The following CYP51A1 variants were observed in gnomAD, a reference collection of about 807,000 sequenced individuals.
CYP51A1 encodes cytochrome P450 family 51 subfamily A member 1.
A neutral mutation model predicts 53.5 loss-of-function variants in CYP51A1; 45 were observed. The observed-to-expected ratio is 0.84, with a 90% confidence interval of 0.66 to 1.08. The LOEUF is 1.08. Among genes scored for constraint, CYP51A1 ranks in the 50% least tolerant of loss-of-function variants. CYP51A1 has a pLI of 0.00. For missense variants in CYP51A1, 462 were observed against 621.7 expected (o/e 0.74, Z 2.73); for synonymous variants, 181 against 217.7 (o/e 0.83, Z 1.48).
chr7:92,127,338 A>C (rs1819820089), intron 4 of CYP51A1, among the ~76,000 whole-genome samples, 167 bp downstream of exon 4: 1 of 152,216 alleles, frequency 6.6e-6, no homozygotes, highest in Non-Finnish European at 1.5e-5. Flanking sequence ...TAAAAACTGG[A>C]TTCTCAGTTA....
intron 5 of CYP51A1, 40 bp from the exon 6 acceptor site, chr7:92,123,893 A>G: frequency 6.6e-7 from 1 of 1,505,348 alleles, no homozygotes; most frequent in South Asian, 1.3e-5. Context: ...TAAATAAAGA[A>G]ATAACCTTCT....
At chr7:92,115,054 G>A (rs552755191) in intron 9 of CYP51A1, among the ~76,000 whole-genome samples, 2 of 152,242 alleles carry the variant, frequency 1.3e-5, no homozygotes, top group South Asian at 2.1e-4. Flanking sequence ...ATCGCAACAA[G>A]CAAGAAGTAT....
chr7:92,131,944 CCAAA>C (rs1459887105), intron 1 of CYP51A1, 72 bp from the exon 2 acceptor site: 9 of 927,006 alleles, frequency 9.7e-6, no homozygotes, highest in South Asian at 1.4e-5. Context: ...CGTTTCATGA[CCAAA>C]CAATTAAACA....
At chr7:92,124,813 C>T (rs1168114408) in intron 5 of CYP51A1, among the ~76,000 whole-genome samples, 2 of 152,152 alleles carry the variant, frequency 1.3e-5, no homozygotes, top group African/African-American at 4.8e-5. Flanking sequence ...CTGACTTCAT[C>T]CAAGAGACAG....
At chr7:92,130,208 C>T (rs1468403875) in intron 2 of CYP51A1, among the ~76,000 whole-genome samples, 1 of 152,194 alleles carries the variant, frequency 6.6e-6, no homozygotes. Context: ...ATCCCAGCTC[C>T]TCCACCTACT....
rs945024078 is a variant in CYP51A1, at chr7:92,123,593, C to G, written c.890+141G>C. On this transcript the variant is annotated intron_variant, in intron 6 of 9. Coordinates refer to ENST00000003100, the MANE Select transcript of CYP51A1 (RefSeq NM_000786.4). ...CACAGGATGCCAATAGTTTATGTCT[C>G]AACAATTTAAAGAGTCCAAAGATCA... 1.2e-5 allele frequency: 10 copies of G among 830,636 alleles called. No homozygotes were observed. In the Admixed American group the frequency reaches 1.2e-4, roughly 10 times the overall value. The allele number at this position is 830,636 out of a possible 1,614,324, so 51.5% of individuals were successfully genotyped here. A position where few individuals can be genotyped will look rare whatever the true frequency, so the allele number is the denominator to read the frequency against.
intron 9 of CYP51A1, among the ~76,000 whole-genome samples, chr7:92,116,271 A>T (rs546632102): frequency 1.1e-3 from 159 of 148,494 alleles, no homozygotes; most frequent in African/African-American, 3.8e-3. Context: ...AGACTCTCTC[A>T]AAAAAAAAAC....
Position 92,128,966 on chromosome 7 carries a change from T to C in CYP51A1, c.382A>G (p.Asn128Asp). Residue 128 changes from asparagine (N) to aspartate (D), a missense_variant, in exon 3 of 10, where the codon AAT becomes GAT. Coordinates refer to ENST00000003100, the MANE Select transcript of CYP51A1 (RefSeq NM_000786.4). The part of the protein sequence containing the change: ...DAAALLFNSK[N>D]EDLNAEDVYS... ...ACATCTTCTGCATTCAGGTCTTCATTTTTACTATTAAAAAGCAGTGCAGCA... is the reference window on the plus strand; with the variant it reads ...ACATCTTCTGCATTCAGGTCTTCATCTTTACTATTAAAAAGCAGTGCAGCA... 1 of 1,613,672 alleles carries C rather than the reference T, an allele frequency of 6.2e-7. No individual in the cohort carries two copies.
At chr7:92,123,596 CAATTTAA>C (rs1357347376) in intron 6 of CYP51A1, 131 bp downstream of exon 6, 4 of 840,388 alleles carry the variant, frequency 4.8e-6, no homozygotes, top group Non-Finnish European at 7.2e-6. Flanking sequence ...TATGTCTCAA[CAATTTAA>C]AGAGTCCAAA....
chr7:92,118,625 G>C lies in CYP51A1; in HGVS notation c.1087-10C>G. On this transcript the variant is annotated splice_polypyrimidine_tract_variant and intron_variant, in intron 7 of 9. Coordinates refer to ENST00000003100, the MANE Select transcript of CYP51A1 (RefSeq NM_000786.4). Reference sequence around the variant, plus strand: ...AATTTAGATCCTTGAGCTAAAATGAGAAAGCATTTCCTGATTGTTATAAAT... The same window carrying C: ...AATTTAGATCCTTGAGCTAAAATGACAAAGCATTTCCTGATTGTTATAAAT... The C allele has an allele frequency of 7.1e-7, 1 of 1,415,712 alleles. No homozygotes were observed. Among genetic ancestry groups the C allele is most frequent in the Non-Finnish European group, 1.0e-6 (1 of 999,466 alleles). The allele number at this position is 1,415,712 out of a possible 1,614,324, so 87.7% of individuals were successfully genotyped here. A position where few individuals can be genotyped will look rare whatever the true frequency, so the allele number is the denominator to read the frequency against.
At chr7:92,127,759 A>ATT (rs1819830609) in intron 3 of CYP51A1, 128 bp from the exon 4 acceptor site, 1 of 875,946 alleles carries the variant, frequency 1.1e-6, no homozygotes, top group Admixed American at 2.4e-5. Flanking sequence ...GGGCATTTAC[A>ATT]TTTTAAGAGT....
At chr7:92,134,689 G>C, upstream of CYP51A1, 1 of 307,568 alleles carries the variant, frequency 3.3e-6, no homozygotes, top group Non-Finnish European at 6.0e-6. Context: ...CAATCCCTGA[G>C]AATCGCGGGC....
At position 92,134,315 on chromosome 7, in the gene CYP51A1, C is replaced by G. The variant is rs777085204; in HGVS notation, c.50G>C (p.Gly17Ala). The G allele has an allele frequency of 6.5e-5, 104 of 1,600,162 alleles. No homozygotes were observed. The highest frequency in any genetic ancestry group is 8.5e-5 in the Non-Finnish European group (99 of 1,171,122). Residue 17 changes from glycine to alanine, a missense_variant, in exon 1 of 10, where the codon GGG becomes GCG. Coordinates refer to ENST00000003100, the MANE Select transcript of CYP51A1 (RefSeq NM_000786.4). ...CTCCATCGCCTGGCCCAGCACCGAC[C>G]CACCCGCCTGCAGCAAGCCCAGCAG... ...MLLLGLLQAGGSVLGQAMEKV... is the reference protein window; with the variant it reads ...MLLLGLLQAGASVLGQAMEKV...
At chr7:92,130,444 T>C (rs1044577592) in intron 2 of CYP51A1, among the ~76,000 whole-genome samples, 1 of 152,248 alleles carries the variant, frequency 6.6e-6, no homozygotes, top group Middle Eastern at 3.2e-3. Context: ...AGACCATGTG[T>C]AAATCCTGGC....
chr7:92,134,120 G>C (rs1417822089), intron 1 of CYP51A1, 53 bp downstream of exon 1: 41 of 1,569,996 alleles, frequency 2.6e-5, no homozygotes, highest in Non-Finnish European at 3.5e-5. Flanking sequence ...CCAGCCCTTC[G>C]GCCGCCTCAG....
chr7:92,128,465 T>TGTGTGTGTGTGTGTGC (rs1819849740), intron 3 of CYP51A1, among the ~76,000 whole-genome samples: 1 of 146,056 alleles, frequency 6.8e-6, no homozygotes, highest in African/African-American at 2.5e-5. Flanking sequence ...TGCGCGTGCG[T>TGTGTGTGTGTGTGTGC]GTGTGTGTGT....
At position 92,117,157 on chromosome 7, in the gene CYP51A1, A is replaced by G. The variant is rs1819595337; in HGVS notation, c.1238T>C (p.Val413Ala). ...PGHQVCVSPT[V>A]NQRLKDSWVE... is the part of the protein sequence containing the mutation. ...CCATGAGTCTTTAAGTCTTTGATTGACAGTGGGAGAAACACACACCTGATG... is the reference window on the plus strand; with the variant it reads ...CCATGAGTCTTTAAGTCTTTGATTGGCAGTGGGAGAAACACACACCTGATG... The change falls in exon 9 of 10, where the codon GTC (valine) becomes GCC (alanine). Residue 413 changes from valine to alanine, a missense_variant. By Grantham distance (64) the Val-to-Ala change is moderately conservative. Transcript: ENST00000003100. 1 of 1,614,136 alleles carries G rather than the reference A, an allele frequency of 6.2e-7. No individual in the cohort carries two copies. Among genetic ancestry groups the G allele is most frequent in the African/African-American group, 1.3e-5 (1 of 75,056 alleles).
At chr7:92,123,025 A>G in intron 7 of CYP51A1, 95 bp downstream of exon 7, 1 of 893,542 alleles carries the variant, frequency 1.1e-6, no homozygotes, top group Non-Finnish European at 1.7e-6. Context: ...AATTTAAGCT[A>G]TAGTATATAG....
At chr7:92,114,730 G>C (rs545193081) in intron 9 of CYP51A1, among the ~76,000 whole-genome samples, 2 of 152,174 alleles carry the variant, frequency 1.3e-5, no homozygotes, top group South Asian at 4.2e-4. Flanking sequence ...ATGACTCAGG[G>C]GCTAAGCAAA....
Sources: allele counts gnomAD v4.1 joint callset (sites outside exome capture counted in the v4.1 genomes callset), GRCh38; gene constraint gnomAD v4.1.1; transcripts MANE v1.5; gene names NCBI Gene and HGNC (gene_info 2026-07-23, HGNC 2026-07-21).